Variants in PLEKHA6 observed in about 807,000 individuals in gnomAD.
PLEKHA6 encodes pleckstrin homology domain containing A6.
A neutral mutation model predicts 116.7 loss-of-function variants in PLEKHA6; 60 were observed. The ratio of observed to expected loss-of-function variants is 0.51; its 90% CI spans 0.42 to 0.64. The LOEUF is 0.64. PLEKHA6 is among the 30% of genes least tolerant of loss of function. The pLI is 0.00. For synonymous variants in PLEKHA6, 489 were observed against 556.1 expected (o/e 0.88, Z 1.70); for missense variants, 1,338 against 1,422.7 (o/e 0.94, Z 0.96).
In PLEKHA6 at chr1:204,228,099, C is replaced by T. The variant is rs773586766; in HGVS notation, c.3015G>A (p.Arg1005=). The part of the protein sequence containing the change: ...SCALATEASR[R]GRMLSVQCAT... ...CCCTCTCACCAGACAGCATGCGGCC[C>T]CTGCGGGAGGCCTCGGTCGCCAGGG... The change falls in exon 21 of 23, where the codon AGG becomes AGA. Residue 1005 remains arginine (R), a synonymous_variant. Transcript: ENST00000272203. The surrounding 1 kb of genome is among the most constrained non-coding windows in gnomAD (Gnocchi z 4.0). The T allele has an allele frequency of 6.2e-7, 1 of 1,612,672 alleles. No homozygotes were observed. Among genetic ancestry groups the T allele is most frequent in the South Asian group, 1.1e-5 (1 of 90,936 alleles).
At chr1:204,348,714 A>ACCCCCCCGCCCTCT (rs1673162619) in intron 1 of PLEKHA6, among the ~76,000 whole-genome samples, 1 of 136,642 alleles carries the variant, frequency 7.3e-6, no homozygotes, top group Middle Eastern at 3.6e-3. Context: ...CAGGTGCCAA[A>ACCCCCCCGCCCTCT]CCCCCCCCCC....
At chr1:204,299,103 C>T (rs1284980082) in intron 1 of PLEKHA6, among the ~76,000 whole-genome samples, 1 of 152,236 alleles carries the variant, frequency 6.6e-6, no homozygotes, top group African/African-American at 2.4e-5. Context: ...TAAATCCCCT[C>T]TGGGGCTTCA....
chr1:204,373,086 C>CTTTTTTTTTTTT (rs973883787), intron 1 of PLEKHA6, among the ~76,000 whole-genome samples: 2 of 113,400 alleles, frequency 1.8e-5, no homozygotes, highest in African/African-American at 3.7e-5. Context: ...TTTTTTCTTT[C>CTTTTTTTTTTTT]TTTTTTTTTT....
At chr1:204,246,364 C>T (rs1027639825) in intron 13 of PLEKHA6, among the ~76,000 whole-genome samples, 6 of 152,164 alleles carry the variant, frequency 3.9e-5, no homozygotes, top group Admixed American at 3.3e-4. Flanking sequence ...AGCAGCATGA[C>T]CATCATCTCA....
At chr1:204,310,581 G>T (rs771779377) in intron 1 of PLEKHA6, among the ~76,000 whole-genome samples, 6 of 152,058 alleles carry the variant, frequency 3.9e-5, no homozygotes, top group African/African-American at 1.2e-4. Flanking sequence ...GACTTTTTAC[G>T]CCAAAAACGT....
intron 1 of PLEKHA6, among the ~76,000 whole-genome samples, chr1:204,341,925 G>A (rs1028675428): frequency 3.9e-5 from 6 of 152,196 alleles, no homozygotes; most frequent in African/African-American, 1.4e-4. Flanking sequence ...AGTGGCTCAT[G>A]CTTGTAATCC....
chr1:204,338,361 A>G (rs1375787045), intron 1 of PLEKHA6, among the ~76,000 whole-genome samples: 1 of 152,216 alleles, frequency 6.6e-6, no homozygotes, highest in Non-Finnish European at 1.5e-5. Flanking sequence ...TGTTAAATGC[A>G]CATACAAAGT....
intron 4 of PLEKHA6, 126 bp downstream of exon 4, chr1:204,268,082 C>T: frequency 1.8e-6 from 1 of 550,308 alleles, no homozygotes; most frequent in South Asian, 2.9e-5. Context: ...AATTAGGAGA[C>T]TCATTCACAG....
Position 204,250,610 on chromosome 1 carries a change from G to A in PLEKHA6, c.1529C>T (p.Pro510Leu). The A allele has an allele frequency of 6.2e-7, 1 of 1,611,380 alleles. No individual in the cohort carries two copies. Among genetic ancestry groups the A allele is most frequent in the Non-Finnish European group, 8.5e-7 (1 of 1,178,126 alleles). ...MRRSISSPKV[P>L]PYPEVFRDSL... ...GTCCCGGAACACTTCTGGGTATGGAGGGACCTGCAGGAACATGAGGCCGGT... is the reference window on the plus strand; with the variant it reads ...GTCCCGGAACACTTCTGGGTATGGAAGGACCTGCAGGAACATGAGGCCGGT... Residue 510 changes from proline to leucine, a missense_variant, in exon 10 of 23, where the codon CCT becomes CTT. Coordinates refer to ENST00000272203, the MANE Select transcript of PLEKHA6 (RefSeq NM_014935.5).
chr1:204,356,567 A>AATAATAAT (rs1558199879), intron 1 of PLEKHA6, among the ~76,000 whole-genome samples: 1 of 137,304 alleles, frequency 7.3e-6, no homozygotes, highest in African/African-American at 3.5e-5. Flanking sequence ...GCCCTGTCTC[A>AATAATAAT]AATAATAATA....
intron 5 of PLEKHA6, among the ~76,000 whole-genome samples, chr1:204,266,511 T>G (rs1441822362): frequency 2.0e-5 from 3 of 152,204 alleles, no homozygotes; most frequent in Non-Finnish European, 4.4e-5. Flanking sequence ...ACCTCGGTCC[T>G]GGGCCTGGGC....
chr1:204,288,475 T>C (rs781317024), intron 1 of PLEKHA6, among the ~76,000 whole-genome samples: 21 of 152,206 alleles, frequency 1.4e-4, no homozygotes, highest in Admixed American at 6.5e-4. Context: ...CGATGCCCAA[T>C]TGGATGAGCC....
At chr1:204,327,992 C>T (rs926101502) in intron 1 of PLEKHA6, among the ~76,000 whole-genome samples, 7 of 152,136 alleles carry the variant, frequency 4.6e-5, no homozygotes, top group Non-Finnish European at 1.0e-4. Flanking sequence ...GGAGCCCTGG[C>T]TGCTTTCTGA....
At chr1:204,371,473 ACCTCAAGCTATTACATCCT>A (rs771979717) in intron 2 of PLEKHA6, 16 of 152,420 alleles carry the variant, frequency 1.0e-4, no homozygotes, top group Non-Finnish European at 2.1e-4. Flanking sequence ...TCCTGCTGCC[ACCTCAAGCTATTACATCCT>A]CCTCAATTGC....
At chr1:204,376,025 C>A (rs1673863622) in intron 1 of PLEKHA6, among the ~76,000 whole-genome samples, 1 of 151,910 alleles carries the variant, frequency 6.6e-6, no homozygotes, top group Non-Finnish European at 1.5e-5. Context: ...TAGCATCATG[C>A]AAATGCCTCA....
At chr1:204,341,251 C>A (rs1018389108) in intron 1 of PLEKHA6, among the ~76,000 whole-genome samples, 6 of 152,194 alleles carry the variant, frequency 3.9e-5, no homozygotes, top group African/African-American at 1.4e-4. Flanking sequence ...CTAGAATTAC[C>A]CAGAGAACTT....
upstream of PLEKHA6, among the ~76,000 whole-genome samples, chr1:204,362,707 C>A (rs1673583150): frequency 6.6e-6 from 1 of 152,204 alleles, no homozygotes; most frequent in Non-Finnish European, 1.5e-5. Context: ...CCACCACATG[C>A]AGCTAATTTT....
chr1:204,301,646 G>A (rs1388708690), intron 1 of PLEKHA6, among the ~76,000 whole-genome samples: 10 of 152,170 alleles, frequency 6.6e-5, no homozygotes, highest in Non-Finnish European at 1.5e-4. Flanking sequence ...TTGAGTTTAT[G>A]AGGAATTGAA....
chr1:204,329,742 A>T (rs1672380071), intron 1 of PLEKHA6, among the ~76,000 whole-genome samples: 1 of 152,210 alleles, frequency 6.6e-6, no homozygotes, highest in African/African-American at 2.4e-5. Context: ...CAAATCCAGA[A>T]CGTGAAAAAC....
Sources: allele counts gnomAD v4.1 joint callset (sites outside exome capture counted in the v4.1 genomes callset), GRCh38; gene constraint gnomAD v4.1.1; non-coding constraint Gnocchi (gnomAD v3.1); transcripts MANE v1.5; gene names NCBI Gene and HGNC (gene_info 2026-07-23, HGNC 2026-07-21).